FBXL7: variants seen among roughly 807,000 people sequenced by gnomAD.
The protein encoded by FBXL7 is F-box/LRR-repeat protein 7.
Under a neutral mutation model 38.3 loss-of-function variants are expected in FBXL7, and 12 were observed. The ratio of observed to expected loss-of-function variants is 0.31; its 90% CI spans 0.20 to 0.51. The LOEUF (loss-of-function observed/expected upper bound fraction) is 0.51. Ranked by LOEUF, FBXL7 falls within the 20% of genes least tolerant of loss-of-function variation. The probability of loss-of-function intolerance (pLI) is 0.98; values close to 1 mark genes in which losing one functional copy is unlikely to be tolerated. For synonymous variants in FBXL7, 297 were observed against 300.9 expected (o/e 0.99, Z 0.13); for missense variants, 567 against 676.4 (o/e 0.84, Z 1.79).
At chr5:15,629,055 G>T (rs974421796) in intron 2 of FBXL7, among the ~76,000 whole-genome samples, 1 of 151,758 alleles carries the variant, frequency 6.6e-6, no homozygotes, top group African/African-American at 2.4e-5. Context: ...AGGTGGGAGG[G>T]TTGCTTGAGG....
chr5:15,583,590 C>T (rs1261500451), intron 1 of FBXL7, among the ~76,000 whole-genome samples: 12 of 152,182 alleles, frequency 7.9e-5, no homozygotes, highest in Admixed American at 7.9e-4. Context: ...GCAGGGGAGT[C>T]ATTAAATCTT....
At chr5:15,604,918 A>C (rs148363959) in intron 1 of FBXL7, among the ~76,000 whole-genome samples, 6 of 152,030 alleles carry the variant, frequency 3.9e-5, no homozygotes, top group African/African-American at 9.7e-5. Flanking sequence ...GCTGTTGAAG[A>C]GGGGCGCTTT....
chr5:15,774,261 T>C (rs896364549), intron 2 of FBXL7, among the ~76,000 whole-genome samples: 1 of 152,154 alleles, frequency 6.6e-6, no homozygotes, highest in Non-Finnish European at 1.5e-5. Context: ...CTCTAACAAA[T>C]ACTTTTGTGA....
At chr5:15,921,099 T>C (rs1741728297) in intron 2 of FBXL7, among the ~76,000 whole-genome samples, 1 of 152,108 alleles carries the variant, frequency 6.6e-6, no homozygotes, top group Non-Finnish European at 1.5e-5. Context: ...TATTTGAAAT[T>C]AGCTGGGAAC....
At chr5:15,735,027 G>T (rs923718065) in intron 2 of FBXL7, among the ~76,000 whole-genome samples, 3 of 152,148 alleles carry the variant, frequency 2.0e-5, no homozygotes, top group Admixed American at 6.5e-5. Flanking sequence ...CGTCTCCTGG[G>T]TTCAAGCGAT....
chr5:15,868,609 G>A (rs1739819345), intron 2 of FBXL7, among the ~76,000 whole-genome samples: 1 of 152,156 alleles, frequency 6.6e-6, no homozygotes, highest in African/African-American at 2.4e-5. Context: ...TGGACAGCAT[G>A]TGAAGGTATA....
chr5:15,682,644 A>G (rs763693608), intron 2 of FBXL7, among the ~76,000 whole-genome samples: 1 of 151,646 alleles, frequency 6.6e-6, no homozygotes, highest in Non-Finnish European at 1.5e-5. Context: ...TATCCAGGTA[A>G]AAAAGTCCAG....
chr5:15,775,770 A>C (rs1268622336), intron 2 of FBXL7, among the ~76,000 whole-genome samples: 1 of 152,192 alleles, frequency 6.6e-6, no homozygotes, highest in Non-Finnish European at 1.5e-5. Flanking sequence ...CGAGGATAGC[A>C]GTCTTTTTAC....
chr5:15,762,839 T>G (rs1388019697), intron 2 of FBXL7, among the ~76,000 whole-genome samples: 6 of 152,222 alleles, frequency 3.9e-5, no homozygotes, highest in South Asian at 2.1e-4. Context: ...CCTAAACAGT[T>G]TATGCTAATT....
chr5:15,800,221 A>T (rs2126740269), intron 2 of FBXL7, among the ~76,000 whole-genome samples: 1 of 152,260 alleles, frequency 6.6e-6, no homozygotes, highest in East Asian at 1.9e-4. Context: ...GATGGATATG[A>T]AAGCAGGTGT....
Position 15,928,311 on chromosome 5 carries a change from C to A in FBXL7, c.549C>A (p.Asn183Lys). 2.5e-6 allele frequency: 4 copies of A among 1,613,794 alleles called. No homozygotes were observed. The South Asian group carries it at 4.4e-5, about 18-fold the overall frequency. Residue 183 changes from asparagine (N) to lysine (K), a missense_variant, in exon 3 of 4, where the codon AAC becomes AAA. By Grantham distance (94) the Asn-to-Lys change is moderately conservative (BLOSUM62 0). Coordinates refer to ENST00000504595, the MANE Select transcript of FBXL7 (RefSeq NM_012304.5). The surrounding 1 kb of genome is among the most constrained non-coding windows in gnomAD (Gnocchi z 4.0). ...GCAGACTCTGCCAGGACACCCCCAA[C>A]GTGTGTCTCATGCTGGAAACCGTAA... The part of the protein sequence containing the change: ...LTRRLCQDTP[N>K]VCLMLETVTV...
chr5:15,903,205 A>G (rs375565087), intron 2 of FBXL7, among the ~76,000 whole-genome samples: 5 of 152,352 alleles, frequency 3.3e-5, no homozygotes, highest in South Asian at 2.1e-4. Context: ...AATGTTTCTT[A>G]AAAGATCAGA....
intron 1 of FBXL7, among the ~76,000 whole-genome samples, chr5:15,570,051 C>CT (rs1025294655): frequency 3.9e-5 from 6 of 152,080 alleles, no homozygotes; most frequent in African/African-American, 1.4e-4. Flanking sequence ...CTAAAATTCT[C>CT]TTTTTTTGTT....
chr5:15,619,320 C>T (rs922428390), intron 2 of FBXL7, among the ~76,000 whole-genome samples: 4 of 152,164 alleles, frequency 2.6e-5, no homozygotes, highest in African/African-American at 4.8e-5. Context: ...AGGAGATTGT[C>T]TCTCCCTGGT....
chr5:15,883,415 A>T (rs1252398575), intron 2 of FBXL7, among the ~76,000 whole-genome samples: 1 of 152,226 alleles, frequency 6.6e-6, no homozygotes, highest in Non-Finnish European at 1.5e-5. Context: ...AAACCCATGT[A>T]TAGAAAAACT....
At chr5:15,754,089 GA>G (rs1217705310) in intron 2 of FBXL7, among the ~76,000 whole-genome samples, 5 of 152,180 alleles carry the variant, frequency 3.3e-5, no homozygotes, top group Non-Finnish European at 5.9e-5. Flanking sequence ...AGCTTGGGTG[GA>G]AATCTGCAAA....
intron 2 of FBXL7, among the ~76,000 whole-genome samples, chr5:15,739,083 T>C (rs1158423086): frequency 6.6e-6 from 1 of 152,220 alleles, no homozygotes; most frequent in East Asian, 1.9e-4. Flanking sequence ...GTTTCTCTCA[T>C]CTGGGCAGAT....
chr5:15,917,534 G>T (rs906695639), intron 2 of FBXL7, among the ~76,000 whole-genome samples: 4 of 152,074 alleles, frequency 2.6e-5, no homozygotes, highest in African/African-American at 9.7e-5. Context: ...CTTGAGTCCA[G>T]GGGTTCAAGG....
In FBXL7 at chr5:15,936,668, G is replaced by C. The variant is rs371934647; in HGVS notation, c.958G>C (p.Val320Leu). 1.9e-6 allele frequency: 3 copies of C among 1,608,270 alleles called. No individual in the cohort carries two copies. Among genetic ancestry groups the C allele is most frequent in the Non-Finnish European group, 2.5e-6 (3 of 1,179,690 alleles). Residue 320 changes from valine (V) to leucine (L), a missense_variant, in exon 4 of 4, where the codon GTG becomes CTG. Val to Leu is a conservative substitution (Grantham distance 32). Transcript: ENST00000504595. This position sits in a 1 kb window ranked among gnomAD's most constrained non-coding sequence, Gnocchi z 6.0. ...RLTDEGLRYLVIYCASIKELS... is the reference protein window; with the variant it reads ...RLTDEGLRYLLIYCASIKELS... ...GACCGACGAAGGCCTGCGCTACCTG[G>C]TGATCTACTGCGCCTCCATCAAGGA... is the stretch of plus-strand genomic sequence containing the variant.
Sources: allele counts gnomAD v4.1 joint callset (sites outside exome capture counted in the v4.1 genomes callset), GRCh38; gene constraint gnomAD v4.1.1; non-coding constraint Gnocchi (gnomAD v3.1); transcripts MANE v1.5; gene names NCBI Gene and HGNC (gene_info 2026-07-23, HGNC 2026-07-21).